Variants in BICC1 observed in about 807,000 individuals in gnomAD.
BICC1 encodes the protein protein bicaudal C homolog 1.
BICC1 carries 43 observed loss-of-function variants against 111.0 expected under a neutral mutation model. The ratio of observed to expected loss-of-function variants is 0.39; its 90% confidence interval spans 0.30 to 0.50. The LOEUF (loss-of-function observed/expected upper bound fraction) is 0.50. Among genes scored for constraint, BICC1 ranks in the 20% least tolerant of loss-of-function variants. The probability of loss-of-function intolerance (pLI) is 0.88; values close to 1 mark genes in which losing one functional copy is unlikely to be tolerated. For missense variants in BICC1, 1,091 were observed against 1,203.2 expected (o/e 0.91, Z 1.38); for synonymous variants, 467 against 434.4 (o/e 1.07, Z -0.93).
intron 1 of BICC1, among the ~76,000 whole-genome samples, chr10:58,556,072 G>T (rs1049042843): frequency 6.6e-6 from 1 of 152,074 alleles, no homozygotes; most frequent in African/African-American, 2.4e-5. Context: ...TAGTTTTCGA[G>T]TGTTGGGGGA....
intron 9 of BICC1, 36 bp from the exon 10 acceptor site, chr10:58,796,304 A>G (rs369494361): frequency 8.8e-6 from 14 of 1,586,936 alleles, no homozygotes; most frequent in Admixed American, 1.7e-5. Flanking sequence ...GACTACTTGC[A>G]TGTCACCTTT....
rs570628452 is a variant in BICC1, at chr10:58,630,098, G to T, written c.237+9197G>T. Among the ~76,000 whole-genome samples, 67 of 152,286 alleles carry T rather than the reference G, an allele frequency of 4.4e-4. 1 individual carries two copies. Among genetic ancestry groups the T allele is most frequent in the African/African-American group, 1.6e-3 (67 of 41,570 alleles). Reference sequence around the variant, plus strand: ...TGCAGCAACAAACCTTCTCTATACAGTGTACGTGACCTATGTGGCATGCTC... The same window carrying T: ...TGCAGCAACAAACCTTCTCTATACATTGTACGTGACCTATGTGGCATGCTC... On this transcript the variant is annotated intron_variant, in intron 2 of 20. Transcript: ENST00000373886.
At chr10:58,575,570 T>G (rs1844086186) in intron 1 of BICC1, among the ~76,000 whole-genome samples, 1 of 2,452 alleles carries the variant, frequency 4.1e-4, no homozygotes. Flanking sequence ...ATGAAGTAGT[T>G]TTTTTTTGGT....
chr10:58,690,279 A>G (rs1839873049), intron 2 of BICC1, among the ~76,000 whole-genome samples: 1 of 148,722 alleles, frequency 6.7e-6, no homozygotes, highest in African/African-American at 2.6e-5. Context: ...CTCATGATGG[A>G]CAATGGGCTG....
chr10:58,751,654 C>T (rs1239147762), intron 3 of BICC1, among the ~76,000 whole-genome samples: 1 of 151,968 alleles, frequency 6.6e-6, no homozygotes, highest in Admixed American at 6.6e-5. Flanking sequence ...ATGTTATAGC[C>T]CAAAATATAA....
intron 2 of BICC1, among the ~76,000 whole-genome samples, chr10:58,634,293 A>C (rs951785445): frequency 7.2e-5 from 11 of 152,082 alleles, no homozygotes; most frequent in African/African-American, 2.7e-4. Flanking sequence ...CGCCTGGCCT[A>C]GGGGCAGATT....
At position 58,789,712 on chromosome 10, in the gene BICC1, G is replaced by A; in HGVS notation, c.826G>A (p.Ala276Thr). 1.9e-6 allele frequency: 3 copies of A among 1,614,098 alleles called. No homozygotes were observed. Among genetic ancestry groups the A allele is most frequent in the South Asian group, 1.1e-5 (1 of 91,078 alleles). The change falls in exon 8 of 21, where the codon GCT (alanine) becomes ACT (threonine). Residue 276 changes from alanine (A) to threonine (T), a missense_variant. By Grantham distance (58) the Ala-to-Thr change is moderately conservative. Coordinates refer to ENST00000373886, the MANE Select transcript of BICC1 (RefSeq NM_001080512.3). ...AACTGCCATGCTGTTAGAACATCTT[G>A]CTGGGAGCTTAGCATCAGCTATTCC... is the stretch of plus-strand genomic sequence containing the variant. The part of the protein sequence containing the change: ...EGTAMLLEHL[A>T]GSLASAIPVS...
chr10:58,517,193 T>C (rs1366041660), intron 1 of BICC1, among the ~76,000 whole-genome samples: 1 of 152,098 alleles, frequency 6.6e-6, no homozygotes, highest in East Asian at 1.9e-4. Context: ...GTGGGACCTG[T>C]GGTGGGGAGG....
At chr10:58,534,619 T>G (rs1593672) in intron 1 of BICC1, among the ~76,000 whole-genome samples, 1 of 151,192 alleles carries the variant, frequency 6.6e-6, no homozygotes, top group Non-Finnish European at 1.5e-5. Flanking sequence ...TCAAAAATAA[T>G]GAGAAGAAAT....
At chr10:58,528,396 C>T (rs1351337131) in intron 1 of BICC1, among the ~76,000 whole-genome samples, 1 of 151,842 alleles carries the variant, frequency 6.6e-6, no homozygotes, top group African/African-American at 2.4e-5. Flanking sequence ...ATATTTGTAT[C>T]TAATCTGGAT....
intron 4 of BICC1, among the ~76,000 whole-genome samples, chr10:58,785,282 A>G (rs895354836): frequency 3.3e-5 from 5 of 152,188 alleles, no homozygotes; most frequent in African/African-American, 1.2e-4. Context: ...TAATTGAACT[A>G]TACATACACA....
rs1276941987 is a variant in BICC1 at position 58,512,907 on chromosome 10, G to A, written c.-237G>A. On this transcript the variant is annotated 5_prime_UTR_variant, in exon 1 of 21. Transcript: ENST00000373886. ...GGCGTTGCTGGCGGGGGGCGGCGCA[G>A]CCACTGGACCCGGACCGGGGCCGCG... Among the ~76,000 whole-genome samples the A allele has an allele frequency of 6.8e-6, 1 of 147,322 alleles. No homozygotes were observed. The highest frequency in any genetic ancestry group is 2.0e-4 in the East Asian group (1 of 5,114).
rs1844913908 is a variant in BICC1 at position 58,598,602 on chromosome 10, G to A, written c.191-22253G>A. ...CATTCAGGACATAGGCATGGGCAAA[G>A]ACTTCATGACTAAAACACCAAAAGC... is the stretch of plus-strand genomic sequence containing the variant. On this transcript the variant is annotated intron_variant, in intron 1 of 20. Coordinates refer to ENST00000373886, the MANE Select transcript of BICC1 (RefSeq NM_001080512.3). Among the ~76,000 whole-genome samples the A allele has an allele frequency of 3.3e-5, 5 of 152,134 alleles. 1 individual carries two copies. The highest frequency in any genetic ancestry group is 3.3e-4 in the Admixed American group (5 of 15,262).
intron 8 of BICC1, among the ~76,000 whole-genome samples, chr10:58,792,602 A>G (rs1843217652): frequency 6.6e-6 from 1 of 152,118 alleles, no homozygotes; most frequent in African/African-American, 2.4e-5. Context: ...CCTATTGTGA[A>G]CCGTGCATGC....
chr10:58,709,914 A>C (rs1047182807), intron 3 of BICC1, among the ~76,000 whole-genome samples: 2 of 152,206 alleles, frequency 1.3e-5, no homozygotes, highest in Admixed American at 1.3e-4. Context: ...TGCCATTCTC[A>C]GTAAGCTTTT....
intron 2 of BICC1, among the ~76,000 whole-genome samples, chr10:58,641,968 AT>A (rs2132217094): frequency 6.6e-6 from 1 of 152,338 alleles, no homozygotes; most frequent in South Asian, 2.1e-4. Flanking sequence ...TTCAGAGAAA[AT>A]AATTTAACAT....
chr10:58,552,909 G>A (rs576335269), intron 1 of BICC1, among the ~76,000 whole-genome samples: 13 of 152,214 alleles, frequency 8.5e-5, no homozygotes, highest in Non-Finnish European at 1.5e-4. Context: ...AACATTCCAC[G>A]TAGGCATGGG....
intron 2 of BICC1, among the ~76,000 whole-genome samples, chr10:58,670,818 C>T (rs530964058): frequency 3.9e-5 from 6 of 152,186 alleles, no homozygotes; most frequent in Admixed American, 2.0e-4. Flanking sequence ...AGTGGATAAA[C>T]AAACTGGTGG....
intron 1 of BICC1, among the ~76,000 whole-genome samples, chr10:58,557,482 A>G (rs1318596980): frequency 1.3e-5 from 2 of 151,998 alleles, no homozygotes; most frequent in Non-Finnish European, 2.9e-5. Context: ...GGGAACTCCA[A>G]TTACACATAT....
Sources: gnomAD v4.1 joint callset for allele counts (sites outside exome capture counted in the v4.1 genomes callset) on GRCh38, gnomAD v4.1.1 for gene constraint, MANE v1.5 for transcripts, NCBI Gene and HGNC (gene_info 2026-07-23, HGNC 2026-07-21) for gene names.